HS2ST1: variants seen among roughly 807,000 people sequenced by gnomAD.
HS2ST1 encodes heparan sulfate 2-O-sulfotransferase 1, also known as 2-O-sulfotransferase.
In HS2ST1, 18 loss-of-function variants were observed where a neutral mutation model predicts 42.9. The observed-to-expected ratio is 0.42, with a 90% CI of 0.29 to 0.62. The LOEUF (loss-of-function observed/expected upper bound fraction) is 0.62. Ranked by LOEUF, HS2ST1 falls within the 20% of genes least tolerant of loss-of-function variation. The probability of loss-of-function intolerance (pLI) is 0.21; values close to 1 mark genes in which losing one functional copy is unlikely to be tolerated. For synonymous variants in HS2ST1, 146 were observed against 152.9 expected (o/e 0.95, Z 0.33); for missense variants, 334 against 433.8 (o/e 0.77, Z 2.04).
chr1:86,929,882 CT>C (rs1660508467), intron 1 of HS2ST1, among the ~76,000 whole-genome samples: 1 of 151,602 alleles, frequency 6.6e-6, no homozygotes, highest in Non-Finnish European at 1.5e-5. Flanking sequence ...TTTTTCTTAC[CT>C]TTTTCACTCA....
intron 1 of HS2ST1, among the ~76,000 whole-genome samples, chr1:86,996,157 C>G (rs1344168131): frequency 1.3e-5 from 2 of 151,660 alleles, no homozygotes; most frequent in Non-Finnish European, 2.9e-5. Context: ...AAAGAAGTAC[C>G]AAAGGCCAGG....
At chr1:87,031,163 G>A (rs1040803063) in intron 1 of HS2ST1, among the ~76,000 whole-genome samples, 11 of 151,980 alleles carry the variant, frequency 7.2e-5, no homozygotes, top group Non-Finnish European at 1.6e-4. Context: ...CTAGTCTTGA[G>A]CTCCTGGCCT....
intron 1 of HS2ST1, among the ~76,000 whole-genome samples, chr1:87,043,888 G>A (rs984566125): frequency 7.2e-5 from 11 of 151,766 alleles, no homozygotes; most frequent in Non-Finnish European, 1.6e-4. Flanking sequence ...AATTTTCTTT[G>A]GATTATAATA....
intron 1 of HS2ST1, among the ~76,000 whole-genome samples, chr1:86,942,557 CAGAAATAATGAAAATA>C (rs2102177091): frequency 6.6e-6 from 1 of 152,092 alleles, no homozygotes; most frequent in East Asian, 1.9e-4. Context: ...AAAATTATTT[CAGAAATAATGAAAATA>C]TTTTGTATTA....
intron 1 of HS2ST1, among the ~76,000 whole-genome samples, chr1:86,962,521 C>T (rs1314196356): frequency 9.2e-5 from 14 of 152,068 alleles, no homozygotes; most frequent in Non-Finnish European, 2.1e-4. Context: ...ATTGTAGAAT[C>T]GAGCCTCCCC....
rs776530612 is a variant in HS2ST1 at position 86,915,022 on chromosome 1, C to G, written c.-15C>G. 1.1e-5 allele frequency: 17 copies of G among 1,614,048 alleles called. No individual in the cohort carries two copies. The highest frequency in any genetic ancestry group is 1.4e-5 in the Non-Finnish European group (16 of 1,180,000). On this transcript the variant is annotated 5_prime_UTR_variant, in exon 1 of 7. Transcript: ENST00000370550. ...CGCCCCCCGCGGTATGTCTTGATCCCGAGCAGCGGGTTTCATGGGGCTCCT... is the reference window on the plus strand; with the variant it reads ...CGCCCCCCGCGGTATGTCTTGATCCGGAGCAGCGGGTTTCATGGGGCTCCT...
chr1:87,047,059 C>G (rs902364117), intron 1 of HS2ST1, among the ~76,000 whole-genome samples: 3 of 152,012 alleles, frequency 2.0e-5, no homozygotes, highest in African/African-American at 4.8e-5. Flanking sequence ...TAATGGTTGT[C>G]TCATTTTATA....
At chr1:86,927,810 T>A (rs906466548) in intron 1 of HS2ST1, among the ~76,000 whole-genome samples, 6 of 152,168 alleles carry the variant, frequency 3.9e-5, no homozygotes, top group African/African-American at 1.4e-4. Flanking sequence ...AATTTAGAGA[T>A]GTTATTGGTT....
intron 1 of HS2ST1, among the ~76,000 whole-genome samples, chr1:86,975,290 T>TC (rs2102213891): frequency 6.6e-6 from 1 of 152,096 alleles, no homozygotes; most frequent in South Asian, 2.1e-4. Context: ...TTTTTTTTTT[T>TC]TTAAGCTTTT....
At chr1:87,046,216 A>G in intron 1 of HS2ST1, 1 of 873,290 alleles carries the variant, frequency 1.1e-6, no homozygotes, top group Admixed American at 1.8e-5. Flanking sequence ...ACTGCTGGGT[A>G]TCTTGGACAA....
In HS2ST1 at chr1:86,915,088, G is replaced by A. The variant is rs755670589; in HGVS notation, c.52G>A (p.Val18Met). The change falls in exon 1 of 7, where the codon GTG becomes ATG. Residue 18 changes from valine to methionine, a missense_variant. Val to Met is a conservative substitution (Grantham distance 21, BLOSUM62 1). Transcript: ENST00000370550. ...GCCCAAGTTGCAGCTGCTGGCGGTG[G>A]TGGCCTTCGCGGTGGCGATGCTCTT... ...MPPKLQLLAV[V>M]AFAVAMLFLE... 3.1e-6 allele frequency: 5 copies of A among 1,614,078 alleles called. No homozygotes were observed. Among genetic ancestry groups the A allele is most frequent in the Middle Eastern group, 3.3e-4 (2 of 6,084 alleles).
chr1:87,046,107 C>T, intron 1 of HS2ST1: 2 of 677,004 alleles, frequency 3.0e-6, no homozygotes, highest in Non-Finnish European at 5.6e-6. Flanking sequence ...ATATTTTTGA[C>T]AGTTTATATT....
At chr1:87,039,739 A>C (rs980135453) in intron 1 of HS2ST1, among the ~76,000 whole-genome samples, 5 of 152,214 alleles carry the variant, frequency 3.3e-5, no homozygotes, top group African/African-American at 1.2e-4. Flanking sequence ...ACAGAGCTTC[A>C]GTTGCTTCAT....
At chr1:87,071,682 C>T (rs968524526) in intron 1 of HS2ST1, among the ~76,000 whole-genome samples, 8 of 148,840 alleles carry the variant, frequency 5.4e-5, no homozygotes, top group Admixed American at 1.4e-4. Flanking sequence ...GAGCCAAGTT[C>T]GAACCACTGT....
intron 2 of HS2ST1, among the ~76,000 whole-genome samples, chr1:87,083,076 C>G (rs2764425): frequency 0.7 from 106,114 of 152,016 alleles, 39,302 homozygotes; most frequent in East Asian, 0.94. Flanking sequence ...TTCCATTTTT[C>G]TCTAGTTCAC....
In HS2ST1 at chr1:87,106,183, T is replaced by G. The variant is rs1652320552; in HGVS notation, c.*1487T>G. 6.6e-6 allele frequency: 1 copy of G among 152,530 alleles called. No individual in the cohort carries two copies. Among genetic ancestry groups the G allele is most frequent in the Non-Finnish European group, 1.5e-5 (1 of 67,952 alleles). The allele number at this position is 152,530 out of a possible 1,614,324, so 9.4% of individuals were successfully genotyped here. ...GGGAAAAGTCTGCTTGTAAGCTGGT[T>G]GAAAAAGTTAATCTTGATATAAATT... On this transcript the variant is annotated 3_prime_UTR_variant, in exon 7 of 7. Coordinates refer to ENST00000370550, the MANE Select transcript of HS2ST1 (RefSeq NM_012262.4).
rs562520882 is a variant in HS2ST1, at chr1:86,953,450, G to A, written c.124+38290G>A. Among the ~76,000 whole-genome samples the A allele has an allele frequency of 2.3e-3, 354 of 152,282 alleles. 3 individuals carry two copies. The highest frequency in any genetic ancestry group is 8.2e-3 in the African/African-American group (342 of 41,560). On this transcript the variant is annotated intron_variant, in intron 1 of 6. Coordinates refer to ENST00000370550, the MANE Select transcript of HS2ST1 (RefSeq NM_012262.4). ...AGCTTTCAGCCTGTCTTGGCTTTCA[G>A]CATGCCTTTGATTTAAAGTGAGTGA...
intron 1 of HS2ST1, among the ~76,000 whole-genome samples, chr1:86,937,045 C>T (rs1461553393): frequency 6.6e-6 from 1 of 151,330 alleles, no homozygotes; most frequent in Non-Finnish European, 1.5e-5. Context: ...GTGGAGGTTG[C>T]AGTAAGCTGA....
intron 1 of HS2ST1, among the ~76,000 whole-genome samples, chr1:86,987,846 T>C (rs900003111): frequency 1.3e-5 from 2 of 152,234 alleles, no homozygotes; most frequent in Non-Finnish European, 2.9e-5. Context: ...ACCAACCATT[T>C]CTATTCAACT....
Sources: gnomAD v4.1 joint callset for allele counts (sites outside exome capture counted in the v4.1 genomes callset) on GRCh38, gnomAD v4.1.1 for gene constraint, MANE v1.5 for transcripts, NCBI Gene and HGNC (gene_info 2026-07-23, HGNC 2026-07-21) for gene names.